The following CNOT1 variants were observed in gnomAD, a reference collection of about 807,000 sequenced individuals.
CNOT1 encodes the protein CCR4-NOT transcription complex subunit 1.
In CNOT1, 15 loss-of-function variants were observed where a neutral mutation model predicts 273.8. The observed-to-expected ratio is 0.05, with a 90% CI of 0.04 to 0.08. The LOEUF is 0.08. CNOT1 is among the 10% of genes least tolerant of loss of function. The pLI is 1.00. For synonymous variants in CNOT1, 1,022 were observed against 1,005.5 expected (o/e 1.02, Z -0.31); for missense variants, 1,644 against 2,912.2 (o/e 0.56, Z 10.02).
intron 34 of CNOT1, among the ~76,000 whole-genome samples, chr16:58,540,311 G>T (rs943999941): frequency 6.6e-6 from 1 of 152,188 alleles, no homozygotes; most frequent in South Asian, 2.1e-4. Flanking sequence ...GAAAGTAAGT[G>T]TTTCAAACCA....
At chr16:58,567,491 AT>A (rs36003722) in intron 16 of CNOT1, among the ~76,000 whole-genome samples, 49,773 of 148,150 alleles carry the variant, frequency 0.34, 9,760 homozygotes, top group Non-Finnish European at 0.45. Flanking sequence ...AATTTAAAAA[AT>A]AGGCATGCAT....
chr16:58,582,585 G>A (rs1307411146), intron 10 of CNOT1, among the ~76,000 whole-genome samples: 2 of 152,178 alleles, frequency 1.3e-5, no homozygotes, highest in Non-Finnish European at 1.5e-5. Context: ...ATAAACAAGA[G>A]TAACTTAGAA....
At chr16:58,542,672 T>G (rs2040127875) in intron 31 of CNOT1, 104 bp from the exon 32 acceptor site, 1 of 1,480,686 alleles carries the variant, frequency 6.8e-7, no homozygotes, top group Admixed American at 2.3e-5. Flanking sequence ...ATTTGGCAAA[T>G]GCATTTTAAG....
intron 47 of CNOT1, among the ~76,000 whole-genome samples, chr16:58,521,990 T>C (rs1364383488): frequency 6.6e-6 from 1 of 151,016 alleles, no homozygotes; most frequent in Admixed American, 6.6e-5. Flanking sequence ...AAGCTCACTC[T>C]CAATAAAAAG....
chr16:58,589,470 C>A (rs2041980143), intron 2 of CNOT1, among the ~76,000 whole-genome samples: 1 of 152,090 alleles, frequency 6.6e-6, no homozygotes, highest in African/African-American at 2.4e-5. Flanking sequence ...TGAGATCGTG[C>A]CATTGTGGTC....
chr16:58,568,762 T>C (rs1345346436), intron 16 of CNOT1, among the ~76,000 whole-genome samples: 3 of 152,090 alleles, frequency 2.0e-5, no homozygotes, highest in South Asian at 2.1e-4. Flanking sequence ...TAGTGCTGAA[T>C]TGATTCCCAA....
chr16:58,589,659 GTTTTT>G (rs969215775), intron 2 of CNOT1, among the ~76,000 whole-genome samples: 10 of 151,456 alleles, frequency 6.6e-5, no homozygotes, highest in African/African-American at 2.4e-4. Flanking sequence ...GTAACAAAAG[GTTTTT>G]TTTTAAGGCA....
chr16:58,612,616 G>A (rs1370981259), intron 1 of CNOT1, among the ~76,000 whole-genome samples: 1 of 152,138 alleles, frequency 6.6e-6, no homozygotes, highest in Admixed American at 6.5e-5. Flanking sequence ...GCATGCACCT[G>A]TAATCCCAGC....
chr16:58,541,073 C>T (rs993924903), intron 34 of CNOT1, among the ~76,000 whole-genome samples: 2 of 152,218 alleles, frequency 1.3e-5, no homozygotes, highest in South Asian at 2.1e-4. Flanking sequence ...AGCATGGTGG[C>T]ACACGCCTGT....
At chr16:58,624,951 A>G (rs1198599584) in intron 1 of CNOT1, among the ~76,000 whole-genome samples, 1 of 152,070 alleles carries the variant, frequency 6.6e-6, no homozygotes, top group East Asian at 1.9e-4. Flanking sequence ...TACACTTAAA[A>G]AAAAAAAGTA....
At chr16:58,581,281 G>A (rs2151974589) in intron 11 of CNOT1, 64 bp downstream of exon 11, 1 of 1,501,344 alleles carries the variant, frequency 6.7e-7, no homozygotes, top group Non-Finnish European at 8.9e-7. Context: ...ATGGGTAGAT[G>A]GCACTACATA....
chr16:58,542,585 G>T lies in CNOT1; in HGVS notation c.4435-17C>A, dbSNP rs1555495334. On this transcript the variant is annotated splice_polypyrimidine_tract_variant and intron_variant, in intron 31 of 48. Coordinates refer to ENST00000317147, the MANE Select transcript of CNOT1 (RefSeq NM_016284.5). ...GGAAGCAGTCTATTAATGGAGGTGG[G>T]TGGGGGGGTGGGGGGAATAGAAGGA... is the stretch of plus-strand genomic sequence containing the variant. The T allele has an allele frequency of 1.3e-6, 2 of 1,542,266 alleles. No individual in the cohort carries two copies. The highest frequency in any genetic ancestry group is 1.8e-5 in the Admixed American group (1 of 56,012).
At chr16:58,542,817 G>A (rs1433938410) in intron 31 of CNOT1, among the ~76,000 whole-genome samples, 1 of 152,128 alleles carries the variant, frequency 6.6e-6, no homozygotes, top group Non-Finnish European at 1.5e-5. Context: ...CAGGCCAGAC[G>A]CGGTGGCTCA....
At chr16:58,616,962 A>G (rs1428869896) in intron 1 of CNOT1, among the ~76,000 whole-genome samples, 1 of 152,222 alleles carries the variant, frequency 6.6e-6, no homozygotes, top group Non-Finnish European at 1.5e-5. Context: ...GAAGGCATCT[A>G]TGGAAAAAAA....
At chr16:58,548,686 T>A (rs1404109684) in intron 25 of CNOT1, 1 of 472,310 alleles carries the variant, frequency 2.1e-6, no homozygotes, top group Non-Finnish European at 4.2e-6. Flanking sequence ...CACAGCTGTA[T>A]GCTGGTTCTA....
At chr16:58,568,642 T>C (rs11076249) in intron 16 of CNOT1, among the ~76,000 whole-genome samples, 59,026 of 151,666 alleles carry the variant, frequency 0.39, 12,864 homozygotes, top group African/African-American at 0.59. Context: ...ATCGTGCCAC[T>C]GCACTCCATC....
chr16:58,624,209 C>T (rs992801220), intron 1 of CNOT1, among the ~76,000 whole-genome samples: 3 of 152,134 alleles, frequency 2.0e-5, no homozygotes, highest in African/African-American at 7.2e-5. Context: ...TTCAGGTACA[C>T]CGTGTCAGAA....
intron 34 of CNOT1, among the ~76,000 whole-genome samples, chr16:58,540,924 G>A (rs1321318988): frequency 6.6e-6 from 1 of 152,158 alleles, no homozygotes; most frequent in Non-Finnish European, 1.5e-5. Flanking sequence ...AAAATGGGAA[G>A]GCTGGGCACA....
At chr16:58,573,513 C>G (rs1265273788) in intron 16 of CNOT1, among the ~76,000 whole-genome samples, 1 of 137,966 alleles carries the variant, frequency 7.2e-6, no homozygotes, top group Non-Finnish European at 1.5e-5. Context: ...TGGAGTCTCG[C>G]TCTGTCGCCC....
Sources: allele counts gnomAD v4.1 joint callset (sites outside exome capture counted in the v4.1 genomes callset), GRCh38; gene constraint gnomAD v4.1.1; transcripts MANE v1.5; gene names NCBI Gene and HGNC (gene_info 2026-07-23, HGNC 2026-07-21).